Variants in RABEP2 observed in about 807,000 individuals in gnomAD.
The protein encoded by RABEP2 is rab GTPase-binding effector protein 2.
A neutral mutation model predicts 74.1 loss-of-function variants in RABEP2; 57 were observed. That is an observed-to-expected ratio of 0.77 (90% CI 0.62 to 0.96). The LOEUF (loss-of-function observed/expected upper bound fraction) is 0.96. RABEP2 is among the 40% of genes least tolerant of loss of function. The pLI is 0.00. For missense variants in RABEP2, 692 were observed against 756.3 expected (o/e 0.91, Z 1.00); for synonymous variants, 351 against 344.0 (o/e 1.02, Z -0.23).
intron 9 of RABEP2, 31 bp downstream of exon 9, chr16:28,905,988 C>A: frequency 4.3e-6 from 7 of 1,610,128 alleles, no homozygotes; most frequent in Non-Finnish European, 5.9e-6. Context: ...GCCCTGGGCC[C>A]GGGGCTGGGG....
rs755119761 is a variant in RABEP2 at position 28,904,717 on chromosome 16, G to T, written c.*226C>A. On this transcript the variant is annotated 3_prime_UTR_variant, in exon 13 of 13. Coordinates refer to ENST00000358201, the MANE Select transcript of RABEP2 (RefSeq NM_024816.3). Reference sequence around the variant, plus strand: ...GGCCTGAGCCTGCACCTTTGGTTCCGGGAGGGGCTTGGGCCCCTCACCCAG... The same window carrying T: ...GGCCTGAGCCTGCACCTTTGGTTCCTGGAGGGGCTTGGGCCCCTCACCCAG... 4.7e-6 allele frequency: 3 copies of T among 642,436 alleles called. No homozygotes were observed. Among genetic ancestry groups the T allele is most frequent in the African/African-American group, 3.7e-5 (2 of 54,356 alleles). 39.8% of individuals were successfully genotyped at this position (642,436 alleles called of 1,614,324 possible).
intron 5 of RABEP2, among the ~76,000 whole-genome samples, chr16:28,912,962 C>CT (rs957293702): frequency 9.3e-5 from 14 of 150,960 alleles, no homozygotes; most frequent in African/African-American, 2.2e-4. Context: ...TTTTTTTTCT[C>CT]TTTTTTTTTG....
In RABEP2 at chr16:28,905,883, G is replaced by C. The variant is rs775019045; in HGVS notation, c.1424-5C>G. The C allele has an allele frequency of 6.2e-7, 1 of 1,613,796 alleles. No individual in the cohort carries two copies. The highest frequency in any genetic ancestry group is 8.5e-7 in the Non-Finnish European group (1 of 1,180,028). On this transcript the variant is annotated splice_polypyrimidine_tract_variant and splice_region_variant and intron_variant, in intron 9 of 12. Transcript: ENST00000358201. ...CACACTCACCCTCCAGCACCTCTGT[G>C]GGAAGGAAAGAAAGAGAGGTCAAGG... is the stretch of plus-strand genomic sequence containing the variant.
chr16:28,924,868 A>G (rs1205442811), intron 1 of RABEP2: 2 of 731,170 alleles, frequency 2.7e-6, no homozygotes, highest in South Asian at 3.0e-5. Flanking sequence ...CCGCCCTCCT[A>G]GTGGCCGCGC....
At position 28,914,438 on chromosome 16, in the gene RABEP2, C is replaced by T. The variant is rs1408941748; in HGVS notation, c.692G>A (p.Ser231Asn). The T allele has an allele frequency of 6.2e-7, 1 of 1,613,554 alleles. No homozygotes were observed. Among genetic ancestry groups the T allele is most frequent in the South Asian group, 1.1e-5 (1 of 91,078 alleles). Residue 231 changes from serine (S) to asparagine (N), a missense_variant, in exon 5 of 13, where the codon AGC (serine) becomes AAC (asparagine). Physicochemically the swap from Ser to Asn is conservative, Grantham distance 46 (BLOSUM62 1). Transcript: ENST00000358201. ...AEAFAHNCDD[S>N]ASISSFSLGG... is the part of the protein sequence containing the mutation. ...AAGGGAGAAGGAGGAGATGGAGGCG[C>T]TGTCATCGCAGTTGTGAGCGAAGGC... is the stretch of plus-strand genomic sequence containing the variant.
chr16:28,904,993 T>C lies in RABEP2; in HGVS notation c.1660A>G (p.Ile554Val), dbSNP rs749417858. Residue 554 changes from isoleucine (I) to valine (V), a missense_variant, in exon 13 of 13, where the codon ATC (isoleucine) becomes GTC (valine). Transcript: ENST00000358201. ...QAETLEQVRSIMDEAPLTDVR... is the reference protein window; with the variant it reads ...QAETLEQVRSVMDEAPLTDVR... The stretch of plus-strand genomic sequence containing the variant: ...TCCGTGAGTGGCGCCTCATCCATGA[T>C]GCTGCGCACTTGCTCCAGGGTCTCA... The C allele has an allele frequency of 6.2e-7, 1 of 1,612,428 alleles. No individual in the cohort carries two copies.
chr16:28,924,739 G>T, intron 1 of RABEP2, 124 bp from the exon 2 acceptor site: 1 of 913,178 alleles, frequency 1.1e-6, no homozygotes, highest in Non-Finnish European at 1.7e-6. Flanking sequence ...GGCCCGCCCG[G>T]CTCACCTGGC....
At chr16:28,925,065 T>C in intron 1 of RABEP2, 38 bp downstream of exon 1, 1 of 1,518,290 alleles carries the variant, frequency 6.6e-7, no homozygotes, top group Non-Finnish European at 8.8e-7. Context: ...GCCCCCAGCA[T>C]CACCGTTCCC....
At chr16:28,910,645 G>A in intron 7 of RABEP2, 1 of 467,710 alleles carries the variant, frequency 2.1e-6, no homozygotes, top group East Asian at 3.6e-5. Flanking sequence ...TGGTGAGGCA[G>A]AGGCTGGGAG....
intron 8 of RABEP2, 84 bp from the exon 9 acceptor site, chr16:28,906,280 G>A (rs1964229830): frequency 6.9e-7 from 1 of 1,442,572 alleles, no homozygotes. Context: ...GGATTGTCGG[G>A]AGGAACGGGG....
chr16:28,907,718 A>G (rs1298327906), intron 8 of RABEP2, among the ~76,000 whole-genome samples: 56 of 152,142 alleles, frequency 3.7e-4, no homozygotes, highest in South Asian at 2.1e-4. Flanking sequence ...GCTCACTGCA[A>G]CTTCTGGCTC....
rs764048896 is a variant in RABEP2 at position 28,910,961 on chromosome 16, T to C, written c.1016A>G (p.Gln339Arg). The C allele has an allele frequency of 2.5e-6, 4 of 1,612,710 alleles. No individual in the cohort carries two copies. Among genetic ancestry groups the C allele is most frequent in the South Asian group, 1.1e-5 (1 of 90,964 alleles). ...GGTCCGCAGCAGCTGCTCTGAGTTC[T>C]GGACCTGGGCCAGGAGCACCTGCAT... The part of the protein sequence containing the change: ...KQMQVLLAQV[Q>R]NSEQLLRTLQ... Residue 339 changes from glutamine (Q) to arginine (R), a missense_variant, in exon 7 of 13, where the codon CAG (glutamine) becomes CGG (arginine). Gln to Arg is a conservative substitution (Grantham distance 43). Transcript: ENST00000358201.
chr16:28,905,637 G>A, intron 11 of RABEP2, 67 bp downstream of exon 11: 1 of 1,570,520 alleles, frequency 6.4e-7, no homozygotes, highest in Non-Finnish European at 8.7e-7. Flanking sequence ...GAGGGCGGGA[G>A]GGGTGGGGGA....
chr16:28,922,212 C>T (rs1350509979), intron 2 of RABEP2, among the ~76,000 whole-genome samples: 1 of 152,158 alleles, frequency 6.6e-6, no homozygotes, highest in Non-Finnish European at 1.5e-5. Context: ...GTAACATGGA[C>T]TTGTTTGATT....
At chr16:28,917,570 C>A (rs1964410887) in intron 3 of RABEP2, among the ~76,000 whole-genome samples, 2 of 152,212 alleles carry the variant, frequency 1.3e-5, no homozygotes, top group African/African-American at 2.4e-5. Context: ...CAGGTGCCCA[C>A]CACCATGCCT....
chr16:28,923,495 A>G (rs1964494665), intron 2 of RABEP2, among the ~76,000 whole-genome samples: 1 of 152,184 alleles, frequency 6.6e-6, no homozygotes, highest in African/African-American at 2.4e-5. Flanking sequence ...TAGTAGATAT[A>G]ACAAGTTTCC....
chr16:28,915,927 C>T (rs1964387147), intron 3 of RABEP2, among the ~76,000 whole-genome samples: 1 of 151,482 alleles, frequency 6.6e-6, no homozygotes, highest in Non-Finnish European at 1.5e-5. Flanking sequence ...GCTACCTCTG[C>T]CTCCTAGGTT....
rs745967109 is a variant in RABEP2, at chr16:28,911,134, C to T, written c.940G>A (p.Asp314Asn). The change falls in exon 6 of 13, where the codon GAC (aspartate) becomes AAC (asparagine). Residue 314 changes from aspartate to asparagine, a missense_variant. Transcript: ENST00000358201. ...KDLESVSRER[D>N]ELQEGLRRSN... ...CGTCTCAGGCCCTCTTGGAGCTCGT[C>T]CCGCTCGCGACTGACGCTCTCCAGG... 5.6e-6 allele frequency: 9 copies of T among 1,612,814 alleles called. No homozygotes were observed. The highest frequency in any genetic ancestry group is 5.9e-6 in the Non-Finnish European group (7 of 1,180,016).
chr16:28,907,439 C>G (rs532801301), intron 8 of RABEP2, among the ~76,000 whole-genome samples: 18 of 152,082 alleles, frequency 1.2e-4, no homozygotes, highest in Non-Finnish European at 1.8e-4. Flanking sequence ...ACTATAGGCG[C>G]AAGCCACCAA....
Sources: gnomAD v4.1 joint callset for allele counts (sites outside exome capture counted in the v4.1 genomes callset) on GRCh38, gnomAD v4.1.1 for gene constraint, MANE v1.5 for transcripts, NCBI Gene and HGNC (gene_info 2026-07-23, HGNC 2026-07-21) for gene names.